The following SCARF1 variants were observed in gnomAD, a reference collection of about 807,000 sequenced individuals.
SCARF1 encodes the protein acetyl LDL receptor.
A neutral mutation model predicts 76.3 loss-of-function variants in SCARF1; 49 were observed. The observed-to-expected ratio is 0.64, with a 90% confidence interval of 0.51 to 0.81. The LOEUF (loss-of-function observed/expected upper bound fraction) is 0.81. Among genes scored for constraint, SCARF1 ranks in the 40% least tolerant of loss-of-function variants. The pLI is 0.00. For synonymous variants in SCARF1, 495 were observed against 474.6 expected (o/e 1.04, Z -0.56); for missense variants, 1,098 against 1,143.9 (o/e 0.96, Z 0.58).
chr17:1,635,041 T>G lies in SCARF1; in HGVS notation c.2210A>C (p.Asn737Thr). 3.7e-6 allele frequency: 6 copies of G among 1,613,872 alleles called. No individual in the cohort carries two copies. The highest frequency in any genetic ancestry group is 5.1e-6 in the Non-Finnish European group (6 of 1,179,904). The change falls in exon 11 of 11, where the codon AAT becomes ACT. Residue 737 changes from asparagine to threonine, a missense_variant. By Grantham distance (65) the Asn-to-Thr change is moderately conservative. Transcript: ENST00000263071. The part of the protein sequence containing the change: ...AIPKPPRQAL[N>T]RKKGSPGLAS... ...AAGGCCAGGGCTGCCCTTTTTCCGA[T>G]TCAGGGCCTGGCGCGGAGGCTTAGG...
At position 1,643,722 on chromosome 17, in the gene SCARF1, G is replaced by A; in HGVS notation, c.511C>T (p.Arg171Cys). The change falls in exon 4 of 11, where the codon CGC becomes TGC. Residue 171 changes from arginine (R) to cysteine (C), a missense_variant. Physicochemically the swap from Arg to Cys is radical, Grantham distance 180. Transcript: ENST00000263071. ...CAGGCGCCCGTGGCCTGCTCGCAGC[G>A]CGCCGCCGCGGTGTTGCACTGGCAC... is the stretch of plus-strand genomic sequence containing the variant. ...RPCQCNTAAA[R>C]CEQATGACVC... 7.5e-7 allele frequency: 1 copy of A among 1,332,726 alleles called. No individual in the cohort carries two copies. Among genetic ancestry groups the A allele is most frequent in the Non-Finnish European group, 9.5e-7 (1 of 1,048,750 alleles). The allele number at this position is 1,332,726 out of a possible 1,614,324, so 82.6% of individuals were successfully genotyped here. A position where few individuals can be genotyped will look rare whatever the true frequency, so the allele number is the denominator to read the frequency against.
chr17:1,643,599 G>A lies in SCARF1; in HGVS notation c.634C>T (p.Pro212Ser), dbSNP rs2151100689. 2.0e-6 allele frequency: 3 copies of A among 1,473,874 alleles called. No homozygotes were observed. The highest frequency in any genetic ancestry group is 2.7e-6 in the Non-Finnish European group (3 of 1,120,284). The allele number at this position is 1,473,874 out of a possible 1,614,324, so 91.3% of individuals were successfully genotyped here. A position where few individuals can be genotyped will look rare whatever the true frequency, so the allele number is the denominator to read the frequency against. Reference protein sequence around the residue: ...EQDSGRCACRPGWWGPECQQQ... With the variant: ...EQDSGRCACRSGWWGPECQQQ... ...TGGCATTCGGGACCCCACCAGCCCG[G>A]CCGGCAGGCGCAGCGGCCGGAGTCC... The change falls in exon 4 of 11, where the codon CCG becomes TCG. Residue 212 changes from proline (P) to serine (S), a missense_variant. Coordinates refer to ENST00000263071, the MANE Select transcript of SCARF1 (RefSeq NM_003693.4).
At chr17:1,635,658 G>A (rs1157845601) in intron 10 of SCARF1, 41 bp from the exon 11 acceptor site, 2 of 1,569,202 alleles carry the variant, frequency 1.3e-6, no homozygotes, top group Non-Finnish European at 1.7e-6. Context: ...AGCTGAACTG[G>A]CCACCCCAAT....
In SCARF1 at chr17:1,645,518, A is replaced by T; in HGVS notation, c.101+79T>A. 6.5e-7 allele frequency: 1 copy of T among 1,548,312 alleles called. No homozygotes were observed. Among genetic ancestry groups the T allele is most frequent in the Non-Finnish European group, 8.7e-7 (1 of 1,153,722 alleles). On this transcript the variant is annotated intron_variant, in intron 1 of 10. Coordinates refer to ENST00000263071, the MANE Select transcript of SCARF1 (RefSeq NM_003693.4). This position sits in a 1 kb window ranked among gnomAD's most constrained non-coding sequence, Gnocchi z 6.3. The stretch of plus-strand genomic sequence containing the variant: ...TCTCCTCCTTCCCCTAACGGCCTCA[A>T]CACCGGTTCAGCCACCCGCATCAGA...
rs199800870 is a variant in SCARF1, at chr17:1,645,169, G to A, written c.163+9C>T. 1.5e-5 allele frequency: 24 copies of A among 1,613,744 alleles called. No individual in the cohort carries two copies. Among genetic ancestry groups the A allele is most frequent in the Non-Finnish European group, 1.9e-5 (23 of 1,179,954 alleles). On this transcript the variant is annotated intron_variant, in intron 2 of 10. Transcript: ENST00000263071. This position sits in a 1 kb window ranked among gnomAD's most constrained non-coding sequence, Gnocchi z 6.3. Reference sequence around the variant, plus strand: ...TCTCCTTGGCTGAGGGTCTGTCCTGGCTACTCACGGATGGTGCATTCTTGA... The same window carrying A: ...TCTCCTTGGCTGAGGGTCTGTCCTGACTACTCACGGATGGTGCATTCTTGA...
At chr17:1,641,691 T>C (rs1910063820) in intron 4 of SCARF1, among the ~76,000 whole-genome samples, 2 of 152,192 alleles carry the variant, frequency 1.3e-5, no homozygotes, top group African/African-American at 4.8e-5. Flanking sequence ...ATTTAGCTGA[T>C]CCTGACCAGC....
In SCARF1 at chr17:1,634,789, A is replaced by G. The variant is rs142148792; in HGVS notation, c.2462T>C (p.Val821Ala). The G allele has an allele frequency of 9.2e-4, 1,475 of 1,607,882 alleles. 18 individuals carry two copies. The Admixed American group carries it at 0.018, about 19-fold the overall frequency. The change falls in exon 11 of 11, where the codon GTT (valine) becomes GCT (alanine). Residue 821 changes from valine to alanine, a missense_variant. By Grantham distance (64) the Val-to-Ala change is moderately conservative (BLOSUM62 0). Coordinates refer to ENST00000263071, the MANE Select transcript of SCARF1 (RefSeq NM_003693.4). ...ERQEEPEYEN[V>A]VPISRPPEP ...TTCTGGTGGCCTGGAGATGGGTACA[A>G]CATTCTCATACTCAGGTTCCTCCTG...
At position 1,636,941 on chromosome 17, in the gene SCARF1, C is replaced by T. The variant is rs150958417; in HGVS notation, c.1486G>A (p.Val496Ile). ...LSSHKLPWVT[V>I]SHHDPEVPFN... ...ACCCCGGCCCCCAGCGCCCACTGAC[C>T]TGTCACCCAGGGTAGCTTGTGGGAG... The change falls in exon 9 of 11, where the codon GTC (valine) becomes ATC (isoleucine). Residue 496 changes from valine to isoleucine, a missense_variant and splice_region_variant. Coordinates refer to ENST00000263071, the MANE Select transcript of SCARF1 (RefSeq NM_003693.4). 2.4e-4 allele frequency: 382 copies of T among 1,614,018 alleles called. No individual in the cohort carries two copies. The highest frequency in any genetic ancestry group is 3.5e-4 in the South Asian group (32 of 91,090).
chr17:1,644,921 GC>G lies in SCARF1; in HGVS notation c.177del (p.Pro60ArgfsTer11). 1 of 1,613,080 alleles carries G rather than the reference GC, an allele frequency of 6.2e-7. No individual in the cohort carries two copies. Among genetic ancestry groups the G allele is most frequent in the South Asian group, 1.1e-5 (1 of 91,014 alleles). ...DQECTIPICE[G>X]PDACQKDEVC... The stretch of plus-strand genomic sequence containing the variant: ...ACCTCGTCTTTCTGGCAGGCGTCCG[GC>G]CCCTCACAGATGGCTGAAAGACACC... On this transcript the variant is annotated frameshift_variant, in exon 3 of 11. Transcript: ENST00000263071. LOFTEE classifies it high-confidence loss of function. The surrounding 1 kb of genome is among the most constrained non-coding windows in gnomAD (Gnocchi z 4.8).
At chr17:1,635,920 T>A (rs1909521756) in intron 10 of SCARF1, among the ~76,000 whole-genome samples, 1 of 151,890 alleles carries the variant, frequency 6.6e-6, no homozygotes, top group Non-Finnish European at 1.5e-5. Flanking sequence ...CCACACCTGG[T>A]CTCTATACTC....
In SCARF1 at chr17:1,637,006, A is replaced by G. The variant is rs1423260242; in HGVS notation, c.1421T>C (p.Leu474Pro). Reference sequence around the variant, plus strand: ...GGGCAGCGTGGAGCCCAAGCTGGTCAGTGTCCCCCAGACCTGCAGCTTCAT... The same window carrying G: ...GGGCAGCGTGGAGCCCAAGCTGGTCGGTGTCCCCCAGACCTGCAGCTTCAT... ...SRMKLQVWGT[L>P]TSLGSTLPCR... is the part of the protein sequence containing the mutation. The change falls in exon 9 of 11, where the codon CTG becomes CCG. Residue 474 changes from leucine to proline, a missense_variant. Transcript: ENST00000263071. 1.2e-6 allele frequency: 2 copies of G among 1,613,876 alleles called. No homozygotes were observed. Among genetic ancestry groups the G allele is most frequent in the African/African-American group, 2.7e-5 (2 of 74,898 alleles).
chr17:1,643,991 G>T, intron 3 of SCARF1, 24 bp from the exon 4 acceptor site: 1 of 1,310,054 alleles, frequency 7.6e-7, no homozygotes, highest in Non-Finnish European at 9.7e-7. Flanking sequence ...GACGGGAGGG[G>T]TCAGCGGGCT....
At chr17:1,642,770 G>A (rs1459211637) in intron 4 of SCARF1, among the ~76,000 whole-genome samples, 2 of 152,172 alleles carry the variant, frequency 1.3e-5, no homozygotes, top group Non-Finnish European at 2.9e-5. Context: ...GAGTGCAGTG[G>A]TGCGACCTCG....
At position 1,643,481 on chromosome 17, in the gene SCARF1, G is replaced by C; in HGVS notation, c.752C>G (p.Pro251Arg). The part of the protein sequence containing the change: ...PGFRGARCEL[P>R]CPAGSHGVQC... ...CACCCCGTGGCTGCCTGCCGGGCAG[G>C]GCAGCTCGCAGCGCGCTCCGCGGAA... Residue 251 changes from proline to arginine, a missense_variant, in exon 4 of 11, where the codon CCC becomes CGC. Pro to Arg is a moderately radical substitution (Grantham distance 103). Coordinates refer to ENST00000263071, the MANE Select transcript of SCARF1 (RefSeq NM_003693.4). The C allele has an allele frequency of 7.5e-7, 1 of 1,328,188 alleles. No homozygotes were observed. 82.3% of individuals were successfully genotyped at this position (1,328,188 alleles called of 1,614,324 possible).
intron 8 of SCARF1, among the ~76,000 whole-genome samples, chr17:1,637,679 C>T (rs1909697296): frequency 4.6e-5 from 7 of 152,078 alleles, no homozygotes; most frequent in Admixed American, 4.6e-4. Flanking sequence ...ACCATGTTGG[C>T]CAGGCTGGTC....
rs756118532 is a variant in SCARF1 at position 1,643,819 on chromosome 17, G to A, written c.414C>T (p.His138=). The A allele has an allele frequency of 2.4e-6, 3 of 1,269,058 alleles. No individual in the cohort carries two copies. The highest frequency in any genetic ancestry group is 6.3e-5 in the East Asian group (2 of 31,572). The allele number at this position is 1,269,058 out of a possible 1,614,324, so 78.6% of individuals were successfully genotyped here. The part of the protein sequence containing the change: ...RCEFPCACGP[H]GRCDPATGVC... ...CGCCGGTCGCGGGGTCGCAGCGCCC[G>A]TGGGGGCCGCAGGCGCACGGGAACT... Residue 138 remains histidine, a synonymous_variant, in exon 4 of 11, where the codon CAC becomes CAT. Coordinates refer to ENST00000263071, the MANE Select transcript of SCARF1 (RefSeq NM_003693.4).
Position 1,635,492 on chromosome 17 carries a change from G to A in SCARF1, c.1759C>T (p.Arg587Trp), listed in dbSNP as rs775242912. The A allele has an allele frequency of 4.8e-5, 77 of 1,613,856 alleles. No homozygotes were observed. The highest frequency in any genetic ancestry group is 6.0e-5 in the Non-Finnish European group (71 of 1,179,962). ...CCTTCCGCGAAGGAGACCGATGGCC[G>A]CTTGGCCCGAGCTAGGCTGGAGGTG... ...PRTSSLARAK[R>W]PSVSFAEGTK... is the part of the protein sequence containing the mutation. The change falls in exon 11 of 11, where the codon CGG becomes TGG. Residue 587 changes from arginine to tryptophan, a missense_variant. Physicochemically the swap from Arg to Trp is moderately radical, Grantham distance 101. Transcript: ENST00000263071.
In SCARF1 at chr17:1,637,057, G is replaced by T; in HGVS notation, c.1370C>A (p.Ala457Glu). 1 of 1,613,840 alleles carries T rather than the reference G, an allele frequency of 6.2e-7. No individual in the cohort carries two copies. The highest frequency in any genetic ancestry group is 8.5e-7 in the Non-Finnish European group (1 of 1,180,002). ...CCTGGACACGGTAGCTCCATCTCTCGCTGGCCTGAGGGAGGAGGGTAGGGA... is the reference window on the plus strand; with the variant it reads ...CCTGGACACGGTAGCTCCATCTCTCTCTGGCCTGAGGGAGGAGGGTAGGGA... ...APRSDLKDRP[A>E]RDGATVSRMK... Residue 457 changes from alanine (A) to glutamate (E), a missense_variant, in exon 9 of 11, where the codon GCG becomes GAG. Transcript: ENST00000263071.
At chr17:1,642,083 A>AG (rs1167595604) in intron 4 of SCARF1, among the ~76,000 whole-genome samples, 2 of 152,132 alleles carry the variant, frequency 1.3e-5, no homozygotes, top group Non-Finnish European at 2.9e-5. Flanking sequence ...TGAGCCCTAA[A>AG]GGGACCTTGC....
Sources: allele counts gnomAD v4.1 joint callset (sites outside exome capture counted in the v4.1 genomes callset), GRCh38; gene constraint gnomAD v4.1.1; non-coding constraint Gnocchi (gnomAD v3.1); transcripts MANE v1.5; gene names NCBI Gene and HGNC (gene_info 2026-07-23, HGNC 2026-07-21).